SUGCT: variants seen among roughly 807,000 people sequenced by gnomAD.
The protein encoded by SUGCT is succinyl-CoA:glutarate-CoA transferase.
A neutral mutation model predicts 55.0 loss-of-function variants in SUGCT; 41 were observed. The ratio of observed to expected loss-of-function variants is 0.74; its 90% confidence interval spans 0.58 to 0.97. SUGCT has a LOEUF of 0.97. Ranked by LOEUF, SUGCT falls within the 50% of genes least tolerant of loss-of-function variation. SUGCT has a pLI of 0.00. For synonymous variants in SUGCT, 187 were observed against 200.4 expected (o/e 0.93, Z 0.56); for missense variants, 568 against 547.8 (o/e 1.04, Z -0.37).
At chr7:40,336,495 G>C (rs921688397) in intron 9 of SUGCT, among the ~76,000 whole-genome samples, 1 of 152,140 alleles carries the variant, frequency 6.6e-6, no homozygotes, top group Non-Finnish European at 1.5e-5. Flanking sequence ...ATGTGTCCAG[G>C]AATTTATCCA....
the SUGCT span, among the ~76,000 whole-genome samples, chr7:41,030,392 G>T: frequency 6.6e-6 from 1 of 151,972 alleles, no homozygotes; most frequent in African/African-American, 2.4e-5. Flanking sequence ...CATCCTTTAG[G>T]AGTTCATTTA....
the SUGCT span, among the ~76,000 whole-genome samples, chr7:41,017,531 G>A: frequency 6.6e-6 from 1 of 152,132 alleles, no homozygotes; most frequent in South Asian, 2.1e-4. Flanking sequence ...AGCACTTTGG[G>A]AGGCTGAGGC....
intron 12 of SUGCT, among the ~76,000 whole-genome samples, chr7:40,522,021 C>G (rs1361568664): frequency 6.6e-6 from 1 of 152,106 alleles, no homozygotes; most frequent in Non-Finnish European, 1.5e-5. Flanking sequence ...GCTTTGCAAC[C>G]TGACTTCATG....
At chr7:40,888,073 T>C in the SUGCT span, among the ~76,000 whole-genome samples, 1 of 152,178 alleles carries the variant, frequency 6.6e-6, no homozygotes, top group African/African-American at 2.4e-5. Flanking sequence ...ATGCATTTTC[T>C]ACTACCCTAT....
chr7:40,528,804 ATTGCTTC>A (rs1343291289), intron 12 of SUGCT, among the ~76,000 whole-genome samples: 22 of 152,318 alleles, frequency 1.4e-4, no homozygotes, highest in Admixed American at 1.2e-3. Flanking sequence ...AATAGCATTC[ATTGCTTC>A]TTGCACAGGA....
At chr7:40,317,208 A>G (rs1795490433) in intron 9 of SUGCT, among the ~76,000 whole-genome samples, 1 of 152,004 alleles carries the variant, frequency 6.6e-6, no homozygotes, top group South Asian at 2.1e-4. Flanking sequence ...CATGTCAGTT[A>G]CAAAACAAAT....
At chr7:40,965,349 G>A in the SUGCT span, 1 of 151,990 alleles carries the variant, frequency 6.6e-6, no homozygotes, top group Non-Finnish European at 1.5e-5. Context: ...AGCCTATATG[G>A]GCCTGTGTAT....
chr7:40,514,063 T>C (rs1243371118), intron 12 of SUGCT, among the ~76,000 whole-genome samples: 1 of 152,100 alleles, frequency 6.6e-6, no homozygotes, highest in East Asian at 1.9e-4. Context: ...GTGCTGGGAT[T>C]ACAGGTGTGA....
intron 9 of SUGCT, among the ~76,000 whole-genome samples, chr7:40,423,645 G>T (rs764132821): frequency 6.6e-6 from 1 of 152,006 alleles, no homozygotes; most frequent in Non-Finnish European, 1.5e-5. Flanking sequence ...TAGCTTAAAT[G>T]GAAACATTGA....
chr7:40,410,801 GA>G (rs976247962), intron 9 of SUGCT, among the ~76,000 whole-genome samples: 57 of 152,208 alleles, frequency 3.7e-4, no homozygotes, highest in African/African-American at 1.3e-3. Flanking sequence ...TTTCCCCATT[GA>G]AAAGCTGTAA....
intron 7 of SUGCT, among the ~76,000 whole-genome samples, chr7:40,242,198 G>A (rs1439191173): frequency 6.8e-6 from 1 of 147,068 alleles, no homozygotes; most frequent in African/African-American, 2.5e-5. Flanking sequence ...TTCAGATAGA[G>A]TCCTCACTCT....
chr7:40,970,092 C>T, the SUGCT span, among the ~76,000 whole-genome samples: 36 of 152,116 alleles, frequency 2.4e-4, no homozygotes, highest in African/African-American at 7.5e-4. Context: ...AAGTCCATCG[C>T]GAGGAGGCTT....
intron 13 of SUGCT, among the ~76,000 whole-genome samples, chr7:40,859,025 C>T (rs1794343977): frequency 6.6e-6 from 1 of 152,200 alleles, no homozygotes; most frequent in African/African-American, 2.4e-5. Flanking sequence ...CTTTTACCCA[C>T]TCATGCTTTG....
intron 12 of SUGCT, among the ~76,000 whole-genome samples, chr7:40,668,683 T>C (rs768052481): frequency 1.3e-5 from 2 of 152,188 alleles, no homozygotes; most frequent in Non-Finnish European, 2.9e-5. Flanking sequence ...TTTGGACTTA[T>C]ATATTCCAGA....
At chr7:40,463,080 A>G (rs1301245886) in intron 11 of SUGCT, among the ~76,000 whole-genome samples, 1 of 152,174 alleles carries the variant, frequency 6.6e-6, no homozygotes, top group African/African-American at 2.4e-5. Flanking sequence ...CGACTTTACC[A>G]TGTGAGTCTA....
chr7:40,161,982 C>T (rs371530946), intron 1 of SUGCT, among the ~76,000 whole-genome samples: 24 of 151,818 alleles, frequency 1.6e-4, no homozygotes, highest in East Asian at 5.8e-4. Context: ...TTGCAACCTC[C>T]GCCTCCCGGG....
rs147254577 is a variant in SUGCT, at chr7:40,184,002, C to T, written c.226+1974C>T. On this transcript the variant is annotated intron_variant, in intron 3 of 13. Coordinates refer to ENST00000335693, the MANE Select transcript of SUGCT (RefSeq NM_001193313.2). ...CAGCCTGGCCAAGATGGTGAAACCC[C>T]CTTCTCTACTAAAAGTACAAAAATT... Among the ~76,000 whole-genome samples, 745 of 152,200 alleles carry T rather than the reference C, an allele frequency of 4.9e-3. 6 individuals carry two copies. The highest frequency in any genetic ancestry group is 6.8e-3 in the Non-Finnish European group (464 of 68,004).
At chr7:40,907,228 T>C in the SUGCT span, among the ~76,000 whole-genome samples, 1 of 152,052 alleles carries the variant, frequency 6.6e-6, no homozygotes, top group South Asian at 2.1e-4. Context: ...CTAAACTCTT[T>C]CTTAGCTCAG....
At chr7:41,031,020 G>A in the SUGCT span, among the ~76,000 whole-genome samples, 4 of 152,126 alleles carry the variant, frequency 2.6e-5, no homozygotes, top group Non-Finnish European at 4.4e-5. Context: ...GGTGTGCAGT[G>A]ACACGATCTC....
Sources: gnomAD v4.1 joint callset for allele counts (sites outside exome capture counted in the v4.1 genomes callset) on GRCh38, gnomAD v4.1.1 for gene constraint, MANE v1.5 for transcripts, NCBI Gene and HGNC (gene_info 2026-07-23, HGNC 2026-07-21) for gene names.